The following GRID2 variants were observed in gnomAD, a reference collection of about 807,000 sequenced individuals.
The protein encoded by GRID2 is glutamate ionotropic receptor delta type subunit 2, also known as glutamate receptor ionotropic, delta-2.
A neutral mutation model predicts 114.8 loss-of-function variants in GRID2; 33 were observed. The ratio of observed to expected loss-of-function variants is 0.29; its 90% CI spans 0.22 to 0.38. The LOEUF (loss-of-function observed/expected upper bound fraction) is 0.38. Among genes scored for constraint, GRID2 ranks in the 10% least tolerant of loss-of-function variants. The pLI, the probability that GRID2 is intolerant of heterozygous loss-of-function variation, is 1.00. For synonymous variants in GRID2, 505 were observed against 449.9 expected (o/e 1.12, Z -1.55); for missense variants, 1,184 against 1,257.7 (o/e 0.94, Z 0.89).
chr4:93,448,586 C>T (rs1722316798), intron 10 of GRID2, among the ~76,000 whole-genome samples: 1 of 151,844 alleles, frequency 6.6e-6, no homozygotes, highest in Non-Finnish European at 1.5e-5. Flanking sequence ...ATAGTGTTCC[C>T]TCATCAAAAT....
chr4:92,882,511 A>C (rs925899360), intron 2 of GRID2, among the ~76,000 whole-genome samples: 4 of 151,434 alleles, frequency 2.6e-5, no homozygotes, highest in Admixed American at 2.6e-4. Context: ...TTTTTTTTTT[A>C]ATTTCAAATG....
chr4:93,552,050 C>A (rs1402197541), intron 13 of GRID2, among the ~76,000 whole-genome samples: 2 of 138,444 alleles, frequency 1.4e-5, no homozygotes, highest in Non-Finnish European at 3.1e-5. Context: ...CCACAACAGG[C>A]CCCAGTGTGT....
intron 13 of GRID2, among the ~76,000 whole-genome samples, chr4:93,592,278 A>G (rs1738441687): frequency 6.6e-6 from 1 of 152,132 alleles, no homozygotes; most frequent in African/African-American, 2.4e-5. Flanking sequence ...GTTGGTTTCA[A>G]AGAACATCTT....
intron 10 of GRID2, 87 bp from the exon 11 acceptor site, chr4:93,455,575 T>A: frequency 1.3e-6 from 1 of 789,582 alleles, no homozygotes; most frequent in East Asian, 2.5e-5. Context: ...AGGCATCTAT[T>A]TTTTTTTCCT....
intron 14 of GRID2, among the ~76,000 whole-genome samples, chr4:93,718,539 G>A (rs1729095533): frequency 1.3e-5 from 2 of 152,064 alleles, no homozygotes; most frequent in South Asian, 4.2e-4. Context: ...ATGAAGGTAG[G>A]AATTTTTTCT....
intron 8 of GRID2, among the ~76,000 whole-genome samples, chr4:93,383,494 G>GACTCCAGA (rs1253739959): frequency 1.3e-5 from 2 of 152,094 alleles, no homozygotes; most frequent in African/African-American, 4.8e-5. Context: ...GCCTTCAATA[G>GACTCCAGA]ACTCCAGAAC....
At chr4:93,593,927 T>TGTATTG (rs1738716947) in intron 13 of GRID2, among the ~76,000 whole-genome samples, 1 of 151,898 alleles carries the variant, frequency 6.6e-6, no homozygotes, top group African/African-American at 2.4e-5. Flanking sequence ...AGCACTTCTC[T>TGTATTG]GTATTGGTTA....
chr4:92,600,222 G>A (rs1729162360), intron 2 of GRID2, among the ~76,000 whole-genome samples: 1 of 151,264 alleles, frequency 6.6e-6, no homozygotes, highest in South Asian at 2.1e-4. Context: ...TTGTATTTTT[G>A]AATGTATACT....
intron 2 of GRID2, among the ~76,000 whole-genome samples, chr4:93,023,559 A>C (rs1030947024): frequency 2.0e-5 from 3 of 151,946 alleles, no homozygotes; most frequent in African/African-American, 7.2e-5. Context: ...TAAAATATGT[A>C]ATTTTTAAAA....
In GRID2 at chr4:92,429,853, A is replaced by G. The variant is rs953466948; in HGVS notation, c.88+125109A>G. Among the ~76,000 whole-genome samples the G allele has an allele frequency of 3.3e-5, 5 of 152,156 alleles. No homozygotes were observed. The East Asian group carries it at 9.6e-4, about 29-fold the overall frequency. ...TTGATTTGCATTTCCTTGATGATCA[A>G]TGATATGGAGCACCTTTTCATGTAC... is the stretch of plus-strand genomic sequence containing the variant. On this transcript the variant is annotated intron_variant, in intron 1 of 15. Transcript: ENST00000282020.
chr4:93,653,481 A>G (rs548744185), intron 14 of GRID2, among the ~76,000 whole-genome samples: 27 of 152,238 alleles, frequency 1.8e-4, no homozygotes, highest in South Asian at 1.0e-3. Context: ...TATAATACCT[A>G]TATTTAAACA....
intron 2 of GRID2, among the ~76,000 whole-genome samples, chr4:92,967,789 G>T (rs917921485): frequency 1.3e-5 from 2 of 151,862 alleles, no homozygotes; most frequent in Non-Finnish European, 2.9e-5. Context: ...CACAAGCGAG[G>T]GTATAGCTAT....
intron 1 of GRID2, among the ~76,000 whole-genome samples, chr4:92,439,011 T>C (rs1157734400): frequency 6.6e-6 from 1 of 152,088 alleles, no homozygotes; most frequent in African/African-American, 2.4e-5. Context: ...AACATGGCTG[T>C]TTATTTCACC....
chr4:92,590,031 G>T, intron 1 of GRID2, 100 bp from the exon 2 acceptor site: 1 of 759,212 alleles, frequency 1.3e-6, no homozygotes, highest in Non-Finnish European at 2.2e-6. Context: ...CTAAGTGAAA[G>T]TATATGTTTT....
chr4:92,739,982 T>C lies in GRID2; in HGVS notation c.244+149696T>C, dbSNP rs1421491325. Reference sequence around the variant, plus strand: ...AATCCATAATCTCATTATAGAAGGATATTACTATCCTTATATTCTTTTAAA... The same window carrying C: ...AATCCATAATCTCATTATAGAAGGACATTACTATCCTTATATTCTTTTAAA... On this transcript the variant is annotated intron_variant, in intron 2 of 15. Transcript: ENST00000282020. 2.6e-5 allele frequency among the ~76,000 whole-genome samples: 4 copies of C among 152,292 alleles called. No homozygotes were observed. The East Asian group carries it at 7.7e-4, about 29-fold the overall frequency.
chr4:92,782,099 T>C (rs989655142), intron 2 of GRID2, among the ~76,000 whole-genome samples: 2 of 152,056 alleles, frequency 1.3e-5, no homozygotes, highest in Non-Finnish European at 2.9e-5. Flanking sequence ...AGTTTTTCAA[T>C]ACCATCAATT....
chr4:93,787,532 A>T (rs1734615680), intron 1 of GRID2, among the ~76,000 whole-genome samples: 1 of 152,118 alleles, frequency 6.6e-6, no homozygotes, highest in African/African-American at 2.4e-5. Flanking sequence ...CTTTCCCCTA[A>T]CATCCCCCAT....
chr4:92,391,392 C>T (rs138673220), intron 1 of GRID2, among the ~76,000 whole-genome samples: 150 of 152,196 alleles, frequency 9.9e-4, no homozygotes, highest in African/African-American at 3.3e-3. Context: ...ATGTAAAGTA[C>T]TTACTGTTAC....
Position 92,706,553 on chromosome 4 carries a change from A to C in GRID2, c.244+116267A>C, listed in dbSNP as rs192781167. On this transcript the variant is annotated intron_variant, in intron 2 of 15. Transcript: ENST00000282020. ...ATCCATGGGAATGATGCTGTCCTCT[A>C]GGGGTGTTTTGGTTATATGTGGGGT... Among the ~76,000 whole-genome samples, 12 of 152,212 alleles carry C rather than the reference A, an allele frequency of 7.9e-5. No homozygotes were observed. The East Asian group carries it at 2.3e-3, about 29-fold the overall frequency.
Sources: allele counts gnomAD v4.1 joint callset (sites outside exome capture counted in the v4.1 genomes callset), GRCh38; gene constraint gnomAD v4.1.1; transcripts MANE v1.5; gene names NCBI Gene and HGNC (gene_info 2026-07-23, HGNC 2026-07-21).